USP30: variants seen among roughly 807,000 people sequenced by gnomAD.
The protein encoded by USP30 is ubiquitin specific peptidase 30, also known as ubiquitin carboxyl-terminal hydrolase 30.
Under a neutral mutation model 68.2 loss-of-function variants are expected in USP30, and 41 were observed. That is an observed-to-expected ratio of 0.60 (90% CI 0.47 to 0.78). USP30 has a LOEUF of 0.78. USP30 is among the 30% of genes least tolerant of loss of function. USP30 has a pLI of 0.00. For synonymous variants in USP30, 229 were observed against 253.7 expected (o/e 0.90, Z 0.93); for missense variants, 522 against 649.4 (o/e 0.80, Z 2.13).
upstream of USP30, among the ~76,000 whole-genome samples, chr12:109,050,330 C>G (rs2040648322): frequency 6.6e-6 from 1 of 151,988 alleles, no homozygotes; most frequent in Non-Finnish European, 1.5e-5. Context: ...CAAGATATAC[C>G]TATATACCTC....
chr12:109,085,672 C>G lies in USP30; in HGVS notation c.1295C>G (p.Ser432Cys). 1 of 1,614,138 alleles carries G rather than the reference C, an allele frequency of 6.2e-7. No individual in the cohort carries two copies. The highest frequency in any genetic ancestry group is 1.1e-5 in the South Asian group (1 of 91,082). ...PLPVVPDYSS[S>C]TYLFRLMAVV... ...CATGTGTTCGTATCATTCAGCTCCT[C>G]CACATACCTCTTCCGGCTGATGGCA... The change falls in exon 13 of 13, where the codon TCC becomes TGC. Residue 432 changes from serine to cysteine, a missense_variant. Transcript: ENST00000257548.
intron 3 of USP30, among the ~76,000 whole-genome samples, chr12:109,043,682 T>C (rs949711338): frequency 2.0e-5 from 3 of 152,148 alleles, no homozygotes; most frequent in African/African-American, 7.2e-5. Flanking sequence ...ATTTCTTGGA[T>C]ATGACACCAA....
chr12:109,083,894 C>T (rs2041875430), intron 11 of USP30, among the ~76,000 whole-genome samples: 1 of 152,146 alleles, frequency 6.6e-6, no homozygotes, highest in African/African-American at 2.4e-5. Context: ...TTGTGTTTTC[C>T]TCTTTCTCAT....
chr12:109,081,623 G>GCACACACA (rs61164773), intron 8 of USP30: 78 of 500,620 alleles, frequency 1.6e-4, no homozygotes, highest in East Asian at 8.0e-4. Flanking sequence ...ACGCATGCGC[G>GCACACACA]CACACACACA....
intron 8 of USP30, 36 bp downstream of exon 8, chr12:109,081,429 T>A (rs775091967): frequency 6.2e-7 from 1 of 1,609,308 alleles, no homozygotes; most frequent in Non-Finnish European, 8.5e-7. Context: ...GGAGTCTGTT[T>A]CAGAAACATT....
chr12:109,050,765 TTGGGAGCCC>T (rs1481800491), upstream of USP30, among the ~76,000 whole-genome samples: 1 of 152,058 alleles, frequency 6.6e-6, no homozygotes, highest in Admixed American at 6.6e-5. Flanking sequence ...TCCCAACACT[TTGGGAGCCC>T]GAGGCGGATG....
At chr12:109,041,836 G>T (rs1318848140) in intron 3 of USP30, among the ~76,000 whole-genome samples, 1 of 151,756 alleles carries the variant, frequency 6.6e-6, no homozygotes, top group Non-Finnish European at 1.5e-5. Context: ...TTTGAAGTGG[G>T]GTTTTAGGAT....
intron 3 of USP30, among the ~76,000 whole-genome samples, chr12:109,065,667 G>T (rs989061435): frequency 6.6e-6 from 1 of 152,182 alleles, no homozygotes; most frequent in Non-Finnish European, 1.5e-5. Flanking sequence ...CCATTCTGTT[G>T]TAAAGAGGTA....
intron 7 of USP30, among the ~76,000 whole-genome samples, chr12:109,075,422 C>T (rs2041568892): frequency 6.6e-6 from 1 of 152,156 alleles, no homozygotes; most frequent in Non-Finnish European, 1.5e-5. Flanking sequence ...GCCATCTTGG[C>T]TCACTGCAAC....
intron 11 of USP30, among the ~76,000 whole-genome samples, chr12:109,084,297 GGAAAA>G (rs1372558474): frequency 2.0e-5 from 3 of 152,154 alleles, no homozygotes; most frequent in Non-Finnish European, 4.4e-5. Flanking sequence ...ACACTTGAAA[GGAAAA>G]GACATGTAAA....
At chr12:109,050,366 A>G (rs1339731920), upstream of USP30, among the ~76,000 whole-genome samples, 1 of 152,224 alleles carries the variant, frequency 6.6e-6, no homozygotes, top group Non-Finnish European at 1.5e-5. Context: ...AAAATTCTCA[A>G]TTTTAATTTC....
chr12:109,045,803 A>G (rs957220423), intron 3 of USP30, among the ~76,000 whole-genome samples: 25 of 152,184 alleles, frequency 1.6e-4, no homozygotes, highest in African/African-American at 6.0e-4. Context: ...AGAGAAACAG[A>G]ATCAATAGAA....
chr12:109,045,071 G>A (rs569795991), intron 3 of USP30, among the ~76,000 whole-genome samples: 13 of 149,022 alleles, frequency 8.7e-5, no homozygotes, highest in East Asian at 2.0e-4. Flanking sequence ...TCCGCCTCCC[G>A]GGTTCTAAGC....
Position 109,082,850 on chromosome 12 carries a change from A to G in USP30, c.956A>G (p.Gln319Arg), listed in dbSNP as rs767537858. The change falls in exon 11 of 13, where the codon CAG becomes CGG. Residue 319 changes from glutamine (Q) to arginine (R), a missense_variant. Transcript: ENST00000257548. ...TTTCTCTTCCACCCGCAGCTCCCTC[A>G]GTGTCTCTGCATCCACCTACAGCGG... is the stretch of plus-strand genomic sequence containing the variant. ...VKQLKLGKLP[Q>R]CLCIHLQRLS... 5 of 1,613,628 alleles carry G rather than the reference A, an allele frequency of 3.1e-6. No individual in the cohort carries two copies. The highest frequency in any genetic ancestry group is 4.2e-6 in the Non-Finnish European group (5 of 1,179,652).
In USP30 at chr12:109,081,390, A is replaced by T; in HGVS notation, c.777A>T (p.Thr259=). 1 of 1,614,060 alleles carries T rather than the reference A, an allele frequency of 6.2e-7. No homozygotes were observed. Residue 259 remains threonine, a synonymous_variant, in exon 8 of 13, where the codon ACA becomes ACT. Coordinates refer to ENST00000257548, the MANE Select transcript of USP30 (RefSeq NM_032663.5). Reference sequence around the variant, plus strand: ...TTTCACTAAGTATTCCAGCCGCCACATGGGTATGTACTGATTTATGGTTTA... The same window carrying T: ...TTTCACTAAGTATTCCAGCCGCCACTTGGGTATGTACTGATTTATGGTTTA... ...DSLSLSIPAA[T]WGHPLTLDHC...
chr12:109,081,442 A>C (rs1009446535), intron 8 of USP30, 49 bp downstream of exon 8: 11 of 1,598,414 alleles, frequency 6.9e-6, no homozygotes, highest in Non-Finnish European at 8.6e-6. Context: ...GAAACATTTC[A>C]ATCTGAAAGG....
intron 3 of USP30, among the ~76,000 whole-genome samples, chr12:109,040,918 T>A (rs1215587051): frequency 3.3e-5 from 5 of 152,216 alleles, no homozygotes; most frequent in Non-Finnish European, 7.3e-5. Flanking sequence ...GGGACATATC[T>A]TTGAGGCTAC....
intron 3 of USP30, among the ~76,000 whole-genome samples, chr12:109,042,213 CA>C (rs1442635711): frequency 6.8e-6 from 1 of 147,922 alleles, no homozygotes; most frequent in Non-Finnish European, 1.5e-5. Flanking sequence ...TTTTTTTTTC[CA>C]AAAGGAATGT....
Position 109,085,926 on chromosome 12 carries a change from G to C in USP30, c.1549G>C (p.Glu517Gln). ...QHQSQECKSE[E>Q] ...CCAGAGCCAGGAGTGCAAGTCTGAAGAATGACTGTGCCCTCCTGCAAGGCT... is the reference window on the plus strand; with the variant it reads ...CCAGAGCCAGGAGTGCAAGTCTGAACAATGACTGTGCCCTCCTGCAAGGCT... The change falls in exon 13 of 13, where the codon GAA becomes CAA. Residue 517 changes from glutamate (E) to glutamine (Q), a missense_variant. By Grantham distance (29) the Glu-to-Gln change is conservative. Transcript: ENST00000257548. The C allele has an allele frequency of 6.2e-7, 1 of 1,612,946 alleles. No individual in the cohort carries two copies. Among genetic ancestry groups the C allele is most frequent in the Non-Finnish European group, 8.5e-7 (1 of 1,179,234 alleles).
Sources: allele counts gnomAD v4.1 joint callset (sites outside exome capture counted in the v4.1 genomes callset), GRCh38; gene constraint gnomAD v4.1.1; transcripts MANE v1.5; gene names NCBI Gene and HGNC (gene_info 2026-07-23, HGNC 2026-07-21).